LIPA: variants seen among roughly 807,000 people sequenced by gnomAD.
LIPA encodes the protein lysosomal acid lipase/cholesteryl ester hydrolase.
LIPA carries 26 observed loss-of-function variants against 40.6 expected under a neutral mutation model. The observed-to-expected ratio is 0.64, with a 90% CI of 0.47 to 0.89. The LOEUF (loss-of-function observed/expected upper bound fraction) is 0.89, where lower values mean the gene tolerates loss of function less well. LIPA is among the 40% of genes least tolerant of loss of function. The probability of loss-of-function intolerance (pLI) is 0.00; values close to 1 mark genes in which losing one functional copy is unlikely to be tolerated. For synonymous variants in LIPA, 188 were observed against 168.4 expected, an observed-to-expected ratio of 1.12 and a Z score of -0.90; for missense variants, 455 against 479.6, an observed-to-expected ratio of 0.95 and a Z score of 0.48.
chr10:89,375,102 C>T (rs1034310058), intron 2 of LIPA, among the ~76,000 whole-genome samples: 5 of 152,242 alleles, frequency 3.3e-5, no homozygotes, highest in African/African-American at 1.2e-4. Flanking sequence ...GAAAGCAACA[C>T]TCACAATTAC....
chr10:89,266,505 A>C (rs1216764848), intron 1 of LIPA, among the ~76,000 whole-genome samples: 1 of 152,228 alleles, frequency 6.6e-6, no homozygotes, highest in Non-Finnish European at 1.5e-5. Flanking sequence ...TATGTGTATA[A>C]GGTGTATATG....
At chr10:89,306,624 G>T in intron 1 of LIPA, 1 of 1,614,064 alleles carries the variant, frequency 6.2e-7, no homozygotes, top group Non-Finnish European at 8.5e-7. Flanking sequence ...CATAAGATGC[G>T]TGAAGAAGGT....
Position 89,332,246 on chromosome 10 carries a change from A to G in LIPA, c.-2+10365T>C, listed in dbSNP as rs1028140992. On this transcript the variant is annotated intron_variant, in intron 1 of 5. Transcript: ENST00000282673. ...AAAGAGCAACAGTCATGCACCTGAGAAAAAAAACAGTCACGTTACGTGAGT... is the reference window on the plus strand; with the variant it reads ...AAAGAGCAACAGTCATGCACCTGAGGAAAAAAACAGTCACGTTACGTGAGT... 4.0e-5 allele frequency among the ~76,000 whole-genome samples: 6 copies of G among 150,456 alleles called. No individual in the cohort carries two copies. In the East Asian group the frequency reaches 5.8e-4, roughly 15 times the overall value.
chr10:89,243,063 T>C (rs904233797), intron 3 of LIPA, among the ~76,000 whole-genome samples: 4 of 152,150 alleles, frequency 2.6e-5, no homozygotes, highest in Non-Finnish European at 4.4e-5. Flanking sequence ...CTATTAATAA[T>C]AGAGGAGGAA....
chr10:89,372,110 C>T (rs1165098709), intron 2 of LIPA, among the ~76,000 whole-genome samples: 1 of 152,208 alleles, frequency 6.6e-6, no homozygotes, highest in African/African-American at 2.4e-5. Context: ...GAAAACTTCC[C>T]GTCTCCGGTG....
chr10:89,260,489 C>T (rs1490754570), intron 1 of LIPA, among the ~76,000 whole-genome samples: 2 of 152,184 alleles, frequency 1.3e-5, no homozygotes, highest in African/African-American at 4.8e-5. Context: ...AGAAGATTGG[C>T]TAAGCTGATT....
At chr10:89,357,692 A>C (rs1414605594) in intron 2 of LIPA, among the ~76,000 whole-genome samples, 2 of 152,216 alleles carry the variant, frequency 1.3e-5, no homozygotes, top group African/African-American at 4.8e-5. Flanking sequence ...GGATGATGGG[A>C]GGAGTGAGTT....
chr10:89,227,200 A>G (rs1842781162), intron 4 of LIPA, among the ~76,000 whole-genome samples, 196 bp from the exon 5 acceptor site: 2 of 152,192 alleles, frequency 1.3e-5, no homozygotes, highest in African/African-American at 4.8e-5. Context: ...AAAAGTAACT[A>G]TTGTCCTCAT....
intron 1 of LIPA, among the ~76,000 whole-genome samples, chr10:89,248,651 A>AC (rs1564766191): frequency 7.3e-6 from 1 of 137,818 alleles, no homozygotes; most frequent in Non-Finnish European, 1.6e-5. Flanking sequence ...ATTTTTTTGT[A>AC]TTTTTTTTTT....
intron 2 of LIPA, among the ~76,000 whole-genome samples, chr10:89,366,095 T>C (rs1382156027): frequency 1.3e-5 from 2 of 152,272 alleles, no homozygotes; most frequent in South Asian, 2.1e-4. Flanking sequence ...ATGGAATGTT[T>C]TTCCATTTGT....
chr10:89,400,410 G>T (rs1481210160), intron 2 of LIPA, among the ~76,000 whole-genome samples: 1 of 152,140 alleles, frequency 6.6e-6, no homozygotes, highest in Non-Finnish European at 1.5e-5. Flanking sequence ...CACGAACAAA[G>T]GATGTCCTTC....
At chr10:89,383,854 T>C in intron 2 of LIPA, 1 of 1,614,192 alleles carries the variant, frequency 6.2e-7, no homozygotes, top group Non-Finnish European at 8.5e-7. Context: ...CAATACTGGG[T>C]ACGCAATCAC....
At chr10:89,267,743 G>A (rs918663795) in intron 1 of LIPA, among the ~76,000 whole-genome samples, 14 of 115,368 alleles carry the variant, frequency 1.2e-4, no homozygotes, top group Middle Eastern at 4.9e-3. Context: ...AAAAAAAAAA[G>A]AAACTTAAAA....
At chr10:89,219,493 C>T (rs1002204610) in intron 8 of LIPA, among the ~76,000 whole-genome samples, 2 of 152,152 alleles carry the variant, frequency 1.3e-5, no homozygotes, top group South Asian at 2.1e-4. Flanking sequence ...TTTAAAATCC[C>T]GCTAAAGAAC....
At chr10:89,354,079 C>A (rs1201995119) in intron 2 of LIPA, among the ~76,000 whole-genome samples, 3 of 152,276 alleles carry the variant, frequency 2.0e-5, no homozygotes, top group Non-Finnish European at 2.9e-5. Flanking sequence ...CAGTCGATTT[C>A]TTTCTTCTAA....
At chr10:89,272,401 A>G (rs772214398) in intron 1 of LIPA, among the ~76,000 whole-genome samples, 1 of 152,180 alleles carries the variant, frequency 6.6e-6, no homozygotes, top group African/African-American at 2.4e-5. Flanking sequence ...CTCCAGCTCC[A>G]TCCTTGTCCC....
At chr10:89,403,342 A>G (rs767103697) in intron 2 of LIPA, 3 of 1,613,050 alleles carry the variant, frequency 1.9e-6, no homozygotes, top group Admixed American at 3.3e-5. Flanking sequence ...GCAGGCAATC[A>G]CAGAAAAGCT....
chr10:89,363,365 T>A (rs1224547398), intron 2 of LIPA: 2 of 152,236 alleles, frequency 1.3e-5, no homozygotes, highest in African/African-American at 4.8e-5. Context: ...TGAGGACATT[T>A]ACCAGAAAGC....
chr10:89,412,714 G>A (rs1205680583), intron 2 of LIPA: 28 of 425,662 alleles, frequency 6.6e-5, no homozygotes, highest in African/African-American at 1.7e-4. Flanking sequence ...CTCCGGACGC[G>A]CCACCTTTAA....
Sources: gnomAD v4.1 joint callset for allele counts (sites outside exome capture counted in the v4.1 genomes callset) on GRCh38, gnomAD v4.1.1 for gene constraint, MANE v1.5 for transcripts, NCBI Gene and HGNC (gene_info 2026-07-23, HGNC 2026-07-21) for gene names.